The following RARB variants were observed in gnomAD, a reference collection of about 807,000 sequenced individuals.
The protein encoded by RARB is HBV-activated protein.
A neutral mutation model predicts 51.9 loss-of-function variants in RARB; 17 were observed. The ratio of observed to expected loss-of-function variants is 0.33; its 90% CI spans 0.22 to 0.49. The LOEUF is 0.49. RARB is among the 20% of genes least tolerant of loss of function. The pLI is 0.99. For synonymous variants in RARB, 215 were observed against 195.4 expected (o/e 1.10, Z -0.84); for missense variants, 369 against 550.8 (o/e 0.67, Z 3.30).
intron 2 of RARB, among the ~76,000 whole-genome samples, chr3:24,864,080 C>G (rs868214189): frequency 6.6e-6 from 1 of 152,338 alleles, no homozygotes; most frequent in South Asian, 2.1e-4. Context: ...GTTTCACTAA[C>G]TTTTGCTCCT....
At chr3:25,552,673 G>A (rs1699895115) in intron 3 of RARB, among the ~76,000 whole-genome samples, 1 of 152,142 alleles carries the variant, frequency 6.6e-6, no homozygotes, top group Admixed American at 6.5e-5. Flanking sequence ...AAATCTACCT[G>A]GAGGAGATAA....
intron 2 of RARB, among the ~76,000 whole-genome samples, chr3:24,902,402 G>GT (rs111594275): frequency 0.052 from 7,935 of 151,322 alleles, 387 homozygotes; most frequent in East Asian, 0.17. Context: ...TTGACACCAG[G>GT]TTTTTTTTTC....
At chr3:25,352,176 G>T (rs1009130806) in intron 5 of RARB, 16 of 152,180 alleles carry the variant, frequency 1.1e-4, no homozygotes, top group African/African-American at 3.4e-4. Context: ...GAAAGACTGT[G>T]AACACAGTTC....
At chr3:25,052,587 CTT>C (rs1420775034) in intron 2 of RARB, among the ~76,000 whole-genome samples, 1 of 152,078 alleles carries the variant, frequency 6.6e-6, no homozygotes, top group Non-Finnish European at 1.5e-5. Flanking sequence ...TGTCTTAACT[CTT>C]TTAGACGGAC....
intron 5 of RARB, among the ~76,000 whole-genome samples, chr3:25,408,579 C>T (rs1240168874): frequency 6.6e-6 from 1 of 152,150 alleles, no homozygotes; most frequent in Non-Finnish European, 1.5e-5. Flanking sequence ...GGCACCACTC[C>T]ACACAGTGAC....
At chr3:25,130,374 CTG>C (rs1699926528) in intron 3 of RARB, among the ~76,000 whole-genome samples, 1 of 152,002 alleles carries the variant, frequency 6.6e-6, no homozygotes, top group Non-Finnish European at 1.5e-5. Flanking sequence ...AGAACATATG[CTG>C]TGTTTTCCCC....
At chr3:25,045,054 A>G (rs1460693792) in intron 2 of RARB, among the ~76,000 whole-genome samples, 1 of 152,166 alleles carries the variant, frequency 6.6e-6, no homozygotes, top group Non-Finnish European at 1.5e-5. Flanking sequence ...TCGAAAACCT[A>G]AAAAGTTTAG....
rs534740557 is a variant in RARB at position 25,302,136 on chromosome 3, A to G, written c.178+127561A>G. 1.2e-3 allele frequency among the ~76,000 whole-genome samples: 177 copies of G among 152,386 alleles called. 1 individual carries two copies. Among genetic ancestry groups the G allele is most frequent in the Middle Eastern group, 0.01 (3 of 294 alleles). ...AAAAAGTCAGACAGTAACAGGTGTTAGCAAGGATGAGGAGAATTTGGAAGC... is the reference window on the plus strand; with the variant it reads ...AAAAAGTCAGACAGTAACAGGTGTTGGCAAGGATGAGGAGAATTTGGAAGC... On this transcript the variant is annotated intron_variant, in intron 5 of 11. Transcript: ENST00000383772.
At position 25,391,666 on chromosome 3, in the gene RARB, T is replaced by C. The variant is rs556673294; in HGVS notation, c.179-69527T>C. Among the ~76,000 whole-genome samples the C allele has an allele frequency of 7.0e-4, 107 of 152,328 alleles. 1 individual carries two copies. In the South Asian group the frequency reaches 0.01, roughly 15 times the overall value. On this transcript the variant is annotated intron_variant, in intron 5 of 11. Transcript: ENST00000383772. ...GTGATGTGGGGCATTTTTTCATATG[T>C]TTGTTGGCCATTTGTATATCTTCTT...
chr3:24,956,330 G>A (rs1204202439), intron 2 of RARB, among the ~76,000 whole-genome samples: 1 of 152,160 alleles, frequency 6.6e-6, no homozygotes, highest in Non-Finnish European at 1.5e-5. Context: ...CATCATGAAT[G>A]AGAATGTTAT....
chr3:25,366,863 A>G (rs1338172173), intron 5 of RARB, among the ~76,000 whole-genome samples: 4 of 152,192 alleles, frequency 2.6e-5, no homozygotes, highest in Admixed American at 2.6e-4. Context: ...CTCATGAGGT[A>G]AAGAGATTAC....
chr3:25,367,078 T>A (rs1706143908), intron 5 of RARB, among the ~76,000 whole-genome samples: 1 of 152,186 alleles, frequency 6.6e-6, no homozygotes, highest in Non-Finnish European at 1.5e-5. Flanking sequence ...CTTTTCTTTC[T>A]TGTCAATCTA....
chr3:25,305,949 C>A (rs1490931692), intron 5 of RARB, among the ~76,000 whole-genome samples: 1 of 152,160 alleles, frequency 6.6e-6, no homozygotes, highest in Non-Finnish European at 1.5e-5. Flanking sequence ...CCAAGCTCTT[C>A]AGTTGTTTCT....
rs576507777 is a variant in RARB at position 25,034,685 on chromosome 3, T to C, written c.-379-25440T>C. On this transcript the variant is annotated intron_variant, in intron 2 of 11. Transcript: ENST00000383772. ...TTCCCTCCTTTCCTCCTTGTGACAC[T>C]CTTTGACTTAGCCAAACATCAGTAA... Among the ~76,000 whole-genome samples, 9 of 152,174 alleles carry C rather than the reference T, an allele frequency of 5.9e-5. No homozygotes were observed. The East Asian group carries it at 1.5e-3, about 26-fold the overall frequency.
At chr3:25,366,576 A>G (rs935572033) in intron 5 of RARB, among the ~76,000 whole-genome samples, 1 of 152,242 alleles carries the variant, frequency 6.6e-6, no homozygotes, top group Admixed American at 6.5e-5. Context: ...AAAACTCAAC[A>G]TAAAGGAAAT....
intron 5 of RARB, among the ~76,000 whole-genome samples, chr3:25,361,260 T>C (rs776752913): frequency 1.3e-5 from 2 of 152,250 alleles, no homozygotes; most frequent in Non-Finnish European, 2.9e-5. Flanking sequence ...TTTCTTCTGA[T>C]TTATCAATTC....
At chr3:25,366,493 T>C (rs1706123482) in intron 5 of RARB, among the ~76,000 whole-genome samples, 1 of 152,246 alleles carries the variant, frequency 6.6e-6, no homozygotes, top group Non-Finnish European at 1.5e-5. Flanking sequence ...TAAAGGATTT[T>C]AGAATATGTG....
intron 2 of RARB, among the ~76,000 whole-genome samples, chr3:24,995,307 A>C (rs1037163086): frequency 1.3e-5 from 2 of 151,772 alleles, no homozygotes; most frequent in Non-Finnish European, 2.9e-5. Flanking sequence ...ATGTATAAAA[A>C]CATTTATGAT....
In RARB at chr3:25,204,422, A is replaced by C. The variant is rs541759887; in HGVS notation, c.178+29847A>C. 9.9e-5 allele frequency among the ~76,000 whole-genome samples: 15 copies of C among 152,196 alleles called. 1 individual carries two copies. In the East Asian group the frequency reaches 1.9e-3, roughly 20 times the overall value. On this transcript the variant is annotated intron_variant, in intron 5 of 11. Transcript: ENST00000383772. ...GATTGTCTGAAGCCGCCTTCTCTCA[A>C]CTCGTCAAAGTTATTCTCCGTCCAC...
Sources: gnomAD v4.1 joint callset for allele counts (sites outside exome capture counted in the v4.1 genomes callset) on GRCh38, gnomAD v4.1.1 for gene constraint, MANE v1.5 for transcripts, NCBI Gene and HGNC (gene_info 2026-07-23, HGNC 2026-07-21) for gene names.